Variants in CPNE8 observed in about 807,000 individuals in gnomAD.
CPNE8 encodes copine 8.
A neutral mutation model predicts 81.5 loss-of-function variants in CPNE8; 45 were observed. The observed-to-expected ratio is 0.55, with a 90% CI of 0.44 to 0.71. CPNE8 has a LOEUF of 0.71. Ranked by LOEUF, CPNE8 falls within the 30% of genes least tolerant of loss-of-function variation. CPNE8 has a pLI of 0.00. For synonymous variants in CPNE8, 252 were observed against 226.3 expected, an observed-to-expected ratio of 1.11 and a Z score of -1.02; for missense variants, 594 against 672.1, an observed-to-expected ratio of 0.88 and a Z score of 1.28.
At position 38,723,798 on chromosome 12, in the gene CPNE8, A is replaced by C. The variant is rs1407048215; in HGVS notation, c.888T>G (p.Val296=). 1 of 1,589,954 alleles carries C rather than the reference A, an allele frequency of 6.3e-7. No homozygotes were observed. Among genetic ancestry groups the C allele is most frequent in the African/African-American group, 1.3e-5 (1 of 74,192 alleles). ...TLLSFLVETE[V]SFLDYIKGGT... is the part of the protein sequence containing the mutation. ...CTCCCTTAATGTAGTCAAGGAATGAAACTTCTGTTTCTACCAAGAAAGAGA... is the reference window on the plus strand; with the variant it reads ...CTCCCTTAATGTAGTCAAGGAATGACACTTCTGTTTCTACCAAGAAAGAGA... The change falls in exon 13 of 20, where the codon GTT becomes GTG. Residue 296 remains valine (V), a synonymous_variant. Transcript: ENST00000331366.
chr12:38,822,649 A>C (rs1943125355), intron 6 of CPNE8, among the ~76,000 whole-genome samples: 1 of 152,176 alleles, frequency 6.6e-6, no homozygotes, highest in South Asian at 2.1e-4. Context: ...TACATACCTA[A>C]TCAATTGTAA....
intron 1 of CPNE8, among the ~76,000 whole-genome samples, chr12:38,904,210 G>A (rs1443282737): frequency 6.6e-6 from 1 of 152,098 alleles, no homozygotes; most frequent in Non-Finnish European, 1.5e-5. Flanking sequence ...AACAATCTTA[G>A]GGCAAAAATG....
In CPNE8 at chr12:38,724,859, G is replaced by C. The variant is rs1484345744; in HGVS notation, c.839C>G (p.Thr280Ser). The stretch of plus-strand genomic sequence containing the variant: ...AATTTGACTTACTGTTCCAGAATTA[G>C]TATATTTTTTCTTTTTTCCTTTCTT... ...PKKKGKKKKY[T>S]NSGTVTLLSF... Residue 280 changes from threonine (T) to serine (S), a missense_variant, in exon 12 of 20, where the codon ACT becomes AGT. By Grantham distance (58) the Thr-to-Ser change is moderately conservative. Coordinates refer to ENST00000331366, the MANE Select transcript of CPNE8 (RefSeq NM_153634.3). 6.8e-7 allele frequency: 1 copy of C among 1,481,408 alleles called. No homozygotes were observed. Among genetic ancestry groups the C allele is most frequent in the Non-Finnish European group, 9.4e-7 (1 of 1,068,898 alleles). The allele number at this position is 1,481,408 out of a possible 1,614,324, so 91.8% of individuals were successfully genotyped here. A position where few individuals can be genotyped will look rare whatever the true frequency, so the allele number is the denominator to read the frequency against.
intron 6 of CPNE8, among the ~76,000 whole-genome samples, chr12:38,817,778 T>C (rs887322330): frequency 5.3e-5 from 8 of 151,840 alleles, no homozygotes. Flanking sequence ...CACCCACCGC[T>C]ACGCCCGGCT....
chr12:38,791,647 G>C (rs1252904958), intron 6 of CPNE8, among the ~76,000 whole-genome samples: 5 of 151,618 alleles, frequency 3.3e-5, no homozygotes, highest in Non-Finnish European at 4.4e-5. Flanking sequence ...AATAATATGA[G>C]ACTTCAATAC....
intron 19 of CPNE8, among the ~76,000 whole-genome samples, chr12:38,658,916 G>A (rs992627109): frequency 6.6e-6 from 1 of 152,110 alleles, no homozygotes; most frequent in African/African-American, 2.4e-5. Context: ...ATATGGAAAG[G>A]AATAACTTGT....
intron 3 of CPNE8, among the ~76,000 whole-genome samples, chr12:38,855,271 C>T (rs997348602): frequency 6.6e-6 from 1 of 151,932 alleles, no homozygotes; most frequent in Non-Finnish European, 1.5e-5. Flanking sequence ...ATTCTATGTT[C>T]ATGGACTGAA....
chr12:38,671,384 T>A (rs1451983422), intron 18 of CPNE8, among the ~76,000 whole-genome samples: 4 of 152,100 alleles, frequency 2.6e-5, no homozygotes, highest in Admixed American at 6.6e-5. Flanking sequence ...AAAGTATGAT[T>A]TTTCTGAAGT....
chr12:38,799,423 G>T (rs1942596866), intron 6 of CPNE8, among the ~76,000 whole-genome samples: 2 of 152,072 alleles, frequency 1.3e-5, no homozygotes. Context: ...CATGGAAACT[G>T]AACAACCTGC....
intron 16 of CPNE8, among the ~76,000 whole-genome samples, chr12:38,680,538 T>C (rs889678390): frequency 6.6e-6 from 1 of 152,114 alleles, no homozygotes; most frequent in African/African-American, 2.4e-5. Context: ...GGCTTAAAGA[T>C]GTAAGGCATC....
rs757496100 is a variant in CPNE8, at chr12:38,839,905, T to C, written c.330+11A>G. The C allele has an allele frequency of 1.3e-6, 2 of 1,566,736 alleles. No homozygotes were observed. The highest frequency in any genetic ancestry group is 3.6e-5 in the Admixed American group (2 of 56,026). ...TTATAATGTTATAAAAACATAAAAA[T>C]ATGAACTTACATGTTTGGATAAGTT... is the stretch of plus-strand genomic sequence containing the variant. On this transcript the variant is annotated intron_variant, in intron 5 of 19. Coordinates refer to ENST00000331366, the MANE Select transcript of CPNE8 (RefSeq NM_153634.3).
intron 11 of CPNE8, among the ~76,000 whole-genome samples, chr12:38,729,027 G>C (rs994162999): frequency 2.0e-5 from 3 of 152,080 alleles, no homozygotes; most frequent in African/African-American, 7.2e-5. Context: ...TTGGACAAGA[G>C]AGTCTGGGGA....
chr12:38,817,614 C>CTTTTTTTTTTTTTTT lies in CPNE8; in HGVS notation c.407+11750_407+11764dup, dbSNP rs869168296. ...GTTTAAAGTTACACATTAATTTATT[C>CTTTTTTTTTTTTTTT]TTTTTTTTTTTTTTTTTTTTTTTGT... On this transcript the variant is annotated intron_variant, in intron 6 of 19. Coordinates refer to ENST00000331366, the MANE Select transcript of CPNE8 (RefSeq NM_153634.3). Among the ~76,000 whole-genome samples, 12 of 90,614 alleles carry CTTTTTTTTTTTTTTT rather than the reference C, an allele frequency of 1.3e-4. 1 individual carries two copies. Among genetic ancestry groups the CTTTTTTTTTTTTTTT allele is most frequent in the Admixed American group, 1.7e-4 (1 of 5,912 alleles). 59.4% of individuals were successfully genotyped at this position (90,614 alleles called of 152,430 possible). A position where few individuals can be genotyped will look rare whatever the true frequency, so the allele number is the denominator to read the frequency against.
chr12:38,794,455 T>C (rs775833302), intron 6 of CPNE8, among the ~76,000 whole-genome samples: 1 of 152,000 alleles, frequency 6.6e-6, no homozygotes. Context: ...AAGAGCTGCA[T>C]AAAGAACTCC....
At chr12:38,780,843 G>A (rs1942036709) in intron 6 of CPNE8, among the ~76,000 whole-genome samples, 1 of 151,954 alleles carries the variant, frequency 6.6e-6, no homozygotes, top group Non-Finnish European at 1.5e-5. Flanking sequence ...TGCTTGAGAA[G>A]TTTCTAAAGA....
chr12:38,680,706 G>T (rs1256180858), intron 16 of CPNE8, among the ~76,000 whole-genome samples: 1 of 151,928 alleles, frequency 6.6e-6, no homozygotes, highest in South Asian at 2.1e-4. Context: ...CCATATTATA[G>T]CACTGAACAT....
chr12:38,693,926 T>C, intron 14 of CPNE8, 88 bp from the exon 15 acceptor site: 1 of 1,064,972 alleles, frequency 9.4e-7, no homozygotes, highest in Non-Finnish European at 1.3e-6. Context: ...CAGAATGAAA[T>C]ATTCAAAATT....
Position 38,670,716 on chromosome 12 carries a change from G to A in CPNE8, c.1506+13C>T. On this transcript the variant is annotated intron_variant, in intron 19 of 19. Coordinates refer to ENST00000331366, the MANE Select transcript of CPNE8 (RefSeq NM_153634.3). ...TCTAGCAATAGTAAAGTAGGAAAAG[G>A]TTTATTTCTTACCTGCACAATGTCT... The A allele has an allele frequency of 1.3e-6, 2 of 1,575,894 alleles. No homozygotes were observed. The highest frequency in any genetic ancestry group is 1.7e-6 in the Non-Finnish European group (2 of 1,151,174).
intron 6 of CPNE8, among the ~76,000 whole-genome samples, chr12:38,805,863 C>A (rs1244646020): frequency 2.0e-5 from 3 of 149,088 alleles, no homozygotes; most frequent in African/African-American, 7.3e-5. Flanking sequence ...ACTAGCAAGA[C>A]TAATAAAGAA....
Sources: allele counts gnomAD v4.1 joint callset (sites outside exome capture counted in the v4.1 genomes callset), GRCh38; gene constraint gnomAD v4.1.1; transcripts MANE v1.5; gene names NCBI Gene and HGNC (gene_info 2026-07-23, HGNC 2026-07-21).